The following ADGRL2 variants were observed in gnomAD, a reference collection of about 807,000 sequenced individuals.
ADGRL2 encodes adhesion G protein-coupled receptor L2, also known as calcium-independent alpha-latrotoxin receptor 2.
ADGRL2 carries 44 observed loss-of-function variants against 157.4 expected under a neutral mutation model. That is an observed-to-expected ratio of 0.28 (90% CI 0.22 to 0.36). The LOEUF is 0.36. Among genes scored for constraint, ADGRL2 ranks in the 10% least tolerant of loss-of-function variants. The pLI is 1.00. For missense variants in ADGRL2, 1,510 were observed against 1,768.9 expected (o/e 0.85, Z 2.63); for synonymous variants, 585 against 624.7 (o/e 0.94, Z 0.95).
At position 81,497,359 on chromosome 1, in the gene ADGRL2, T is replaced by C. The variant is rs149345680; in HGVS notation, c.-248+52270T>C. Among the ~76,000 whole-genome samples the C allele has an allele frequency of 4.9e-3, 752 of 152,272 alleles. 9 individuals are homozygous for C. The highest frequency in any genetic ancestry group is 0.017 in the African/African-American group (709 of 41,576). On this transcript the variant is annotated intron_variant, in intron 2 of 24. Transcript: ENST00000370721. Reference sequence around the variant, plus strand: ...TTTCAATTTAGTGGACTTCTTAATATGAAGACTAATAATTACAACACATCC... The same window carrying C: ...TTTCAATTTAGTGGACTTCTTAATACGAAGACTAATAATTACAACACATCC...
In ADGRL2 at chr1:81,943,014, G is replaced by A. The variant is rs1327074872; in HGVS notation, c.455G>A (p.Cys152Tyr). 2 of 1,613,188 alleles carry A rather than the reference G, an allele frequency of 1.2e-6. No homozygotes were observed. The highest frequency in any genetic ancestry group is 1.7e-6 in the Non-Finnish European group (2 of 1,179,376). Reference protein sequence around the residue: ...GTLKAIVDSPCIYEAEQKAGA... With the variant: ...GTLKAIVDSPYIYEAEQKAGA... Reference sequence around the variant, plus strand: ...TTGAAAGCAATTGTGGACTCACCATGTATATATGAAGCTGAACAAAAGGCG... The same window carrying A: ...TTGAAAGCAATTGTGGACTCACCATATATATATGAAGCTGAACAAAAGGCG... Residue 152 changes from cysteine to tyrosine, a missense_variant, in exon 6 of 24, where the codon TGT (cysteine) becomes TAT (tyrosine). Coordinates refer to ENST00000686636, the MANE Select transcript of ADGRL2 (RefSeq NM_001366006.2). The surrounding 1 kb of genome is among the most constrained non-coding windows in gnomAD (Gnocchi z 5.6).
At chr1:81,970,799 A>G (rs1193020792) in intron 16 of ADGRL2, among the ~76,000 whole-genome samples, 2 of 152,096 alleles carry the variant, frequency 1.3e-5, no homozygotes, top group South Asian at 2.1e-4. Flanking sequence ...AAAGTAAATA[A>G]CTTTTTGGCC....
At chr1:81,323,176 G>T (rs71645172) in intron 1 of ADGRL2, among the ~76,000 whole-genome samples, 1,543 of 151,934 alleles carry the variant, frequency 0.01, 15 homozygotes, top group Middle Eastern at 0.017. Context: ...TATATTAATT[G>T]CCATTTTGGC....
chr1:81,730,491 G>A (rs1287777122), intron 1 of ADGRL2, among the ~76,000 whole-genome samples: 1 of 152,160 alleles, frequency 6.6e-6, no homozygotes, highest in Admixed American at 6.5e-5. Flanking sequence ...GGGAGGCCGA[G>A]GTGAGTGGAT....
chr1:81,704,613 T>A (rs1027416662), intron 1 of ADGRL2, among the ~76,000 whole-genome samples: 1 of 152,230 alleles, frequency 6.6e-6, no homozygotes, highest in Admixed American at 6.5e-5. Flanking sequence ...CCTCTTTCTC[T>A]GCTTTCCTCT....
chr1:81,835,095 T>C (rs2092199246), intron 1 of ADGRL2, among the ~76,000 whole-genome samples: 2 of 152,150 alleles, frequency 1.3e-5, no homozygotes, highest in African/African-American at 4.8e-5. Context: ...GAATAGTGGA[T>C]GACTGAAGAC....
At chr1:81,818,477 A>C (rs918242519) in intron 1 of ADGRL2, among the ~76,000 whole-genome samples, 2 of 152,232 alleles carry the variant, frequency 1.3e-5, no homozygotes, top group African/African-American at 4.8e-5. Context: ...CAAAATTACC[A>C]GACCAAAAAA....
At chr1:81,701,807 AG>A (rs1473210136) in intron 1 of ADGRL2, among the ~76,000 whole-genome samples, 23 of 152,242 alleles carry the variant, frequency 1.5e-4, no homozygotes, top group African/African-American at 5.1e-4. Context: ...TACTATAGTA[AG>A]CCAGATAGAT....
At chr1:81,463,959 C>G (rs2077995633) in intron 2 of ADGRL2, among the ~76,000 whole-genome samples, 1 of 151,912 alleles carries the variant, frequency 6.6e-6, no homozygotes, top group South Asian at 2.1e-4. Context: ...AGTTTCCTTC[C>G]TACTTCCTCT....
At chr1:81,785,602 C>T (rs1265439933) in intron 2 of ADGRL2, among the ~76,000 whole-genome samples, 2 of 151,890 alleles carry the variant, frequency 1.3e-5, no homozygotes, top group African/African-American at 2.4e-5. Flanking sequence ...ATGGTGCGCA[C>T]CTGTAGTCCT....
intron 1 of ADGRL2, among the ~76,000 whole-genome samples, chr1:81,418,000 T>C (rs1248810327): frequency 6.6e-6 from 1 of 152,228 alleles, no homozygotes; most frequent in Non-Finnish European, 1.5e-5. Flanking sequence ...AAATAACTCA[T>C]AATGACAGGC....
At chr1:81,945,895 A>G (rs550472625) in intron 6 of ADGRL2, among the ~76,000 whole-genome samples, 47 of 150,954 alleles carry the variant, frequency 3.1e-4, no homozygotes, top group African/African-American at 1.1e-3. Context: ...TCTCTTTGTA[A>G]TTTATATTAT....
chr1:81,613,470 G>T (rs1003512637), intron 3 of ADGRL2, among the ~76,000 whole-genome samples: 3 of 152,114 alleles, frequency 2.0e-5, no homozygotes, highest in Non-Finnish European at 4.4e-5. Flanking sequence ...AGAAAGAAAT[G>T]GTGCTCTGAG....
At chr1:81,439,193 C>A (rs779647187) in intron 1 of ADGRL2, among the ~76,000 whole-genome samples, 1 of 152,056 alleles carries the variant, frequency 6.6e-6, no homozygotes, top group Non-Finnish European at 1.5e-5. Flanking sequence ...CCATGGACAA[C>A]CGCTTTGCAA....
Position 81,984,620 on chromosome 1 carries a change from A to G in ADGRL2, c.3320A>G (p.Tyr1107Cys). 1.2e-6 allele frequency: 2 copies of G among 1,612,340 alleles called. No individual in the cohort carries two copies. Among genetic ancestry groups the G allele is most frequent in the Non-Finnish European group, 1.7e-6 (2 of 1,178,784 alleles). ...TATGGCAAGTGCTTCAGACACTCAT[A>G]CTGCTGTGGAGGCCTCCCAACTGAG... ...KEYGKCFRHS[Y>C]CCGGLPTESP... is the part of the protein sequence containing the mutation. The change falls in exon 20 of 24, where the codon TAC becomes TGC. Residue 1107 changes from tyrosine (Y) to cysteine (C), a missense_variant. Tyr to Cys is a radical substitution (Grantham distance 194). Coordinates refer to ENST00000686636, the MANE Select transcript of ADGRL2 (RefSeq NM_001366006.2).
chr1:81,510,072 A>T (rs1413085560), intron 2 of ADGRL2, among the ~76,000 whole-genome samples: 1 of 152,170 alleles, frequency 6.6e-6, no homozygotes, highest in Non-Finnish European at 1.5e-5. Flanking sequence ...TTAATGAATG[A>T]TGGTAATAAA....
intron 3 of ADGRL2, among the ~76,000 whole-genome samples, chr1:81,916,986 C>T (rs621346): frequency 0.53 from 80,015 of 150,986 alleles, 22,249 homozygotes; most frequent in East Asian, 0.78. Flanking sequence ...AAAAAAAATA[C>T]ATATATATGT....
intron 3 of ADGRL2, among the ~76,000 whole-genome samples, chr1:81,932,010 G>A (rs2095240417): frequency 6.6e-6 from 1 of 152,092 alleles, no homozygotes; most frequent in African/African-American, 2.4e-5. Flanking sequence ...CAGAAAGAAA[G>A]CAATTTCTGT....
intron 1 of ADGRL2, among the ~76,000 whole-genome samples, chr1:81,351,564 G>A (rs948166561): frequency 6.6e-6 from 1 of 151,336 alleles, no homozygotes; most frequent in Non-Finnish European, 1.5e-5. Flanking sequence ...AAGTTATCTG[G>A]CAAATGCACA....
Sources: allele counts gnomAD v4.1 joint callset (sites outside exome capture counted in the v4.1 genomes callset), GRCh38; gene constraint gnomAD v4.1.1; non-coding constraint Gnocchi (gnomAD v3.1); transcripts MANE v1.5; gene names NCBI Gene and HGNC (gene_info 2026-07-23, HGNC 2026-07-21).